The following RPS6KC1 variants were observed in gnomAD, a reference collection of about 807,000 sequenced individuals.
RPS6KC1 encodes the protein ribosomal protein S6 kinase C1.
RPS6KC1 carries 54 observed loss-of-function variants against 103.8 expected under a neutral mutation model. The observed-to-expected ratio is 0.52, with a 90% confidence interval of 0.42 to 0.65. The LOEUF is 0.65. RPS6KC1 is among the 30% of genes least tolerant of loss of function. The pLI is 0.00. For synonymous variants in RPS6KC1, 439 were observed against 438.7 expected, an observed-to-expected ratio of 1.00 and a Z score of -0.01; for missense variants, 1,151 against 1,253.8, an observed-to-expected ratio of 0.92 and a Z score of 1.24.
the RPS6KC1 span, among the ~76,000 whole-genome samples, chr1:213,544,107 AAGG>A: frequency 1.3e-5 from 2 of 152,042 alleles, no homozygotes; most frequent in African/African-American, 4.8e-5. Context: ...GGAAGAAGAG[AAGG>A]AGAAGAAGAA....
the RPS6KC1 span, among the ~76,000 whole-genome samples, chr1:213,543,489 C>T: frequency 3.3e-5 from 5 of 152,148 alleles, no homozygotes; most frequent in South Asian, 6.2e-4. Flanking sequence ...GGGATTTGAA[C>T]AGGGAGGAAG....
At chr1:213,136,377 A>G (rs1046625887) in intron 6 of RPS6KC1, among the ~76,000 whole-genome samples, 2 of 152,154 alleles carry the variant, frequency 1.3e-5, no homozygotes, top group Admixed American at 1.3e-4. Flanking sequence ...GGACAGAGCT[A>G]TCCCTGATGC....
chr1:213,232,714 CTGAGTTTTTA>C (rs1456914335), intron 10 of RPS6KC1, among the ~76,000 whole-genome samples: 6 of 152,240 alleles, frequency 3.9e-5, no homozygotes, highest in Admixed American at 3.3e-4. Flanking sequence ...TCATTCTGAT[CTGAGTTTTTA>C]TGAATACAGC....
At chr1:213,271,763 CA>C (rs58938920) in intron 14 of RPS6KC1, among the ~76,000 whole-genome samples, 27 of 114,770 alleles carry the variant, frequency 2.4e-4, no homozygotes, top group Admixed American at 5.9e-4. Flanking sequence ...AACTCCGTCT[CA>C]AAAAAAAAAA....
intron 1 of RPS6KC1, among the ~76,000 whole-genome samples, chr1:213,063,783 T>C (rs61834086): frequency 0.034 from 5,189 of 152,324 alleles, 122 homozygotes; most frequent in Middle Eastern, 0.055. Flanking sequence ...ACATTCCTTC[T>C]TAAAAAGAGG....
the RPS6KC1 span, among the ~76,000 whole-genome samples, chr1:213,488,038 T>C: frequency 6.6e-6 from 1 of 152,334 alleles, no homozygotes; most frequent in South Asian, 2.1e-4. Context: ...GTGGCCTTCT[T>C]GATTCCTTCC....
At chr1:213,441,010 C>G in the RPS6KC1 span, among the ~76,000 whole-genome samples, 1 of 152,186 alleles carries the variant, frequency 6.6e-6, no homozygotes, top group Non-Finnish European at 1.5e-5. Flanking sequence ...GGCTCTCCCC[C>G]GTTCAAGTGG....
At chr1:213,651,641 A>C in the RPS6KC1 span, among the ~76,000 whole-genome samples, 1 of 152,214 alleles carries the variant, frequency 6.6e-6, no homozygotes, top group Non-Finnish European at 1.5e-5. Context: ...TGAGACACTT[A>C]TTCACATTTG....
the RPS6KC1 span, among the ~76,000 whole-genome samples, chr1:213,746,729 A>T: frequency 2.2e-3 from 338 of 152,296 alleles, 1 homozygote; most frequent in Middle Eastern, 0.01. Flanking sequence ...AGCAGAGTGG[A>T]GGCGGTGAAG....
chr1:213,064,900 C>T (rs1328317857), intron 1 of RPS6KC1, among the ~76,000 whole-genome samples: 1 of 150,434 alleles, frequency 6.6e-6, no homozygotes, highest in Non-Finnish European at 1.5e-5. Context: ...TGGTCTTGAT[C>T]TCCTGACCTT....
the RPS6KC1 span, among the ~76,000 whole-genome samples, chr1:213,632,259 T>C: frequency 6.6e-6 from 1 of 152,132 alleles, no homozygotes; most frequent in Non-Finnish European, 1.5e-5. Context: ...TTCATTTCCC[T>C]AGAGAAAATA....
the RPS6KC1 span, among the ~76,000 whole-genome samples, chr1:213,715,001 G>A: frequency 1.3e-5 from 2 of 152,168 alleles, no homozygotes; most frequent in African/African-American, 4.8e-5. Context: ...GCAGGTGCAG[G>A]AAGTACAGGT....
At chr1:213,743,882 C>T in the RPS6KC1 span, among the ~76,000 whole-genome samples, 2 of 152,060 alleles carry the variant, frequency 1.3e-5, no homozygotes, top group African/African-American at 4.8e-5. Context: ...CTTTGGTGTC[C>T]CCTGCAAACT....
chr1:213,051,590 T>A, intron 1 of RPS6KC1, 81 bp downstream of exon 1: 7 of 1,011,972 alleles, frequency 6.9e-6, no homozygotes, highest in Non-Finnish European at 3.0e-6. Flanking sequence ...TGAGGGTACC[T>A]GACTCTGGCT....
the RPS6KC1 span, among the ~76,000 whole-genome samples, chr1:213,333,181 T>C: frequency 6.6e-6 from 1 of 152,232 alleles, no homozygotes. Flanking sequence ...CTCTTGTGAA[T>C]AGGTATAAAC....
At chr1:213,397,588 TACACAC>T in the RPS6KC1 span, among the ~76,000 whole-genome samples, 2,036 of 139,898 alleles carry the variant, frequency 0.015, 35 homozygotes, top group African/African-American at 0.034. Flanking sequence ...CAGGAACACA[TACACAC>T]ACACACACAC....
At chr1:213,655,101 T>C in the RPS6KC1 span, among the ~76,000 whole-genome samples, 240 of 152,340 alleles carry the variant, frequency 1.6e-3, no homozygotes, top group African/African-American at 5.5e-3. Context: ...GGAATGCAGT[T>C]GCATGATCTC....
the RPS6KC1 span, among the ~76,000 whole-genome samples, chr1:213,420,636 G>T: frequency 1.3e-5 from 2 of 152,146 alleles, no homozygotes; most frequent in Non-Finnish European, 2.9e-5. Flanking sequence ...CCATTCCTGA[G>T]GGCTGCCAGA....
At chr1:213,803,241 T>TTTTTTA in the RPS6KC1 span, among the ~76,000 whole-genome samples, 1 of 114,030 alleles carries the variant, frequency 8.8e-6, no homozygotes, top group African/African-American at 3.6e-5. Context: ...AGGCAGTGGC[T>TTTTTTA]TTTTTTTTTT....
Sources: gnomAD v4.1 joint callset for allele counts (sites outside exome capture counted in the v4.1 genomes callset) on GRCh38, gnomAD v4.1.1 for gene constraint, MANE v1.5 for transcripts, NCBI Gene and HGNC (gene_info 2026-07-23, HGNC 2026-07-21) for gene names.